Variants in STK33 observed in about 807,000 individuals in gnomAD.
STK33 encodes serine/threonine kinase 33.
STK33 carries 52 observed loss-of-function variants against 58.0 expected under a neutral mutation model. That is an observed-to-expected ratio of 0.90 (90% CI 0.72 to 1.13). The LOEUF (loss-of-function observed/expected upper bound fraction) is 1.13, where lower values mean the gene tolerates loss of function less well. Ranked by LOEUF, STK33 falls within the 50% of genes most tolerant of loss-of-function variation. STK33 has a pLI of 0.00. For missense variants in STK33, 630 were observed against 604.2 expected (o/e 1.04, Z -0.45); for synonymous variants, 215 against 200.1 (o/e 1.07, Z -0.63).
At chr11:8,395,103 T>G (rs552154400) in intron 15 of STK33, among the ~76,000 whole-genome samples, 1 of 152,168 alleles carries the variant, frequency 6.6e-6, no homozygotes, top group Non-Finnish European at 1.5e-5. Flanking sequence ...TGGTTGCAGG[T>G]CAAAAACAGT....
At chr11:8,567,502 C>A (rs368266016) in intron 1 of STK33, among the ~76,000 whole-genome samples, 4 of 152,300 alleles carry the variant, frequency 2.6e-5, no homozygotes. Context: ...AGAGTCTTTA[C>A]AGGAACACAT....
the STK33 span, among the ~76,000 whole-genome samples, chr11:8,373,877 G>A: frequency 8.5e-5 from 13 of 152,298 alleles, 1 homozygote; most frequent in South Asian, 2.5e-3. Flanking sequence ...TGCAGCTGCA[G>A]GGGGCCCAGA....
chr11:8,447,324 A>C (rs1237715990), intron 11 of STK33, among the ~76,000 whole-genome samples: 1 of 152,192 alleles, frequency 6.6e-6, no homozygotes, highest in Non-Finnish European at 1.5e-5. Flanking sequence ...CCTGGCAGAG[A>C]CACAACAAAA....
intron 11 of STK33, among the ~76,000 whole-genome samples, chr11:8,450,821 A>T (rs1341550620): frequency 6.6e-6 from 1 of 152,188 alleles, no homozygotes; most frequent in Non-Finnish European, 1.5e-5. Context: ...AACATTCTAA[A>T]ATTGATTATG....
chr11:8,566,483 T>C (rs1238625143), intron 1 of STK33, among the ~76,000 whole-genome samples: 1 of 152,182 alleles, frequency 6.6e-6, no homozygotes, highest in Non-Finnish European at 1.5e-5. Flanking sequence ...ACAAAATTGG[T>C]CTAATGTTTA....
At chr11:8,497,624 C>T (rs991190044) in intron 1 of STK33, among the ~76,000 whole-genome samples, 1 of 152,114 alleles carries the variant, frequency 6.6e-6, no homozygotes, top group African/African-American at 2.4e-5. Flanking sequence ...GCACATGCCA[C>T]CATGCCCAGC....
At chr11:8,383,022 C>T in the STK33 span, among the ~76,000 whole-genome samples, 1 of 152,220 alleles carries the variant, frequency 6.6e-6, no homozygotes, top group African/African-American at 2.4e-5. Flanking sequence ...TAAAGCCTGT[C>T]CTGGTAAACT....
rs192438649 is a variant in STK33 at position 8,396,677 on chromosome 11, G to A, written c.1345-3967C>T. ...AGCAGGGTGAGGCATCATCTCACCC[G>A]GGAAGCGCAAGGGGTCAGGGAATTC... On this transcript the variant is annotated intron_variant, in intron 15 of 15. Coordinates refer to ENST00000687296, the MANE Select transcript of STK33 (RefSeq NM_001352389.2). Among the ~76,000 whole-genome samples, 46 of 152,322 alleles carry A rather than the reference G, an allele frequency of 3.0e-4. No individual in the cohort carries two copies. In the East Asian group the frequency reaches 4.6e-3, roughly 15 times the overall value.
At chr11:8,479,396 G>T (rs1003822249) in intron 2 of STK33, among the ~76,000 whole-genome samples, 1 of 149,248 alleles carries the variant, frequency 6.7e-6, no homozygotes, top group Non-Finnish European at 1.5e-5. Context: ...TCATGCCACT[G>T]CACTCCAGCC....
the STK33 span, among the ~76,000 whole-genome samples, chr11:8,366,338 C>G: frequency 3.3e-5 from 5 of 152,346 alleles, no homozygotes; most frequent in South Asian, 1.0e-3. Flanking sequence ...CCTTCCACTT[C>G]TTGGTCTCAG....
At chr11:8,523,653 G>A (rs1469163774) in intron 1 of STK33, among the ~76,000 whole-genome samples, 4 of 151,546 alleles carry the variant, frequency 2.6e-5, no homozygotes, top group African/African-American at 4.8e-5. Flanking sequence ...TGCCCAGTCC[G>A]GGAGGTGGGG....
intron 11 of STK33, among the ~76,000 whole-genome samples, chr11:8,446,457 T>C (rs926903260): frequency 3.9e-5 from 6 of 152,226 alleles, no homozygotes; most frequent in African/African-American, 1.2e-4. Context: ...GTTCTTTTAA[T>C]TGGGATGTTA....
At chr11:8,457,511 C>G in intron 8 of STK33, 32 bp from the exon 9 acceptor site, 1 of 1,494,738 alleles carries the variant, frequency 6.7e-7, no homozygotes, top group Non-Finnish European at 9.1e-7. Context: ...AGAGAGAGAG[C>G]AAATTATATA....
At chr11:8,566,793 C>T (rs1957474551) in intron 1 of STK33, among the ~76,000 whole-genome samples, 1 of 152,148 alleles carries the variant, frequency 6.6e-6, no homozygotes, top group Non-Finnish European at 1.5e-5. Flanking sequence ...AGACTGACCT[C>T]TAGTGGAAAT....
chr11:8,584,128 G>C, intron 1 of STK33, among the ~76,000 whole-genome samples: 1 of 134,908 alleles, frequency 7.4e-6, no homozygotes, highest in East Asian at 2.1e-4. Flanking sequence ...AAAAAAAAAA[G>C]AAAGAAAACA....
chr11:8,428,849 T>G (rs919498589), intron 14 of STK33, among the ~76,000 whole-genome samples: 4 of 152,180 alleles, frequency 2.6e-5, no homozygotes, highest in Non-Finnish European at 5.9e-5. Context: ...ATTATAATCA[T>G]GTTCTCTTGA....
chr11:8,425,228 T>C (rs1942563388), intron 14 of STK33, among the ~76,000 whole-genome samples: 1 of 152,202 alleles, frequency 6.6e-6, no homozygotes, highest in East Asian at 1.9e-4. Context: ...CCCAGCACCA[T>C]TTATTAAATA....
intron 15 of STK33, among the ~76,000 whole-genome samples, chr11:8,397,597 A>T (rs1849584740): frequency 6.6e-6 from 1 of 152,240 alleles, no homozygotes; most frequent in South Asian, 2.1e-4. Context: ...CAGCAGCAGA[A>T]CAAAGCTGGA....
At chr11:8,463,182 G>T (rs922342775) in intron 7 of STK33, among the ~76,000 whole-genome samples, 1 of 152,120 alleles carries the variant, frequency 6.6e-6, no homozygotes. Flanking sequence ...AGCAGTCCCC[G>T]ACCTTTTTGG....
Sources: allele counts gnomAD v4.1 joint callset (sites outside exome capture counted in the v4.1 genomes callset), GRCh38; gene constraint gnomAD v4.1.1; transcripts MANE v1.5; gene names NCBI Gene and HGNC (gene_info 2026-07-23, HGNC 2026-07-21).